The following MAP2 variants were observed in gnomAD, a reference collection of about 807,000 sequenced individuals.
MAP2 encodes the protein microtubule associated protein 2.
A neutral mutation model predicts 137.6 loss-of-function variants in MAP2; 14 were observed. The ratio of observed to expected loss-of-function variants is 0.10; its 90% CI spans 0.07 to 0.16. The LOEUF (loss-of-function observed/expected upper bound fraction) is 0.16, where lower values mean the gene tolerates loss of function less well. Ranked by LOEUF, MAP2 falls within the 10% of genes least tolerant of loss-of-function variation. The pLI is 1.00. For synonymous variants in MAP2, 786 were observed against 782.3 expected (o/e 1.00, Z -0.08); for missense variants, 2,088 against 2,191.5 (o/e 0.95, Z 0.94).
rs150215172 is a variant in MAP2, at chr2:209,673,354, T to C, written c.263-5218T>C. 7.2e-4 allele frequency among the ~76,000 whole-genome samples: 110 copies of C among 151,944 alleles called. 2 individuals are homozygous for C. The East Asian group carries it at 0.02, about 28-fold the overall frequency. On this transcript the variant is annotated intron_variant, in intron 5 of 15. Transcript: ENST00000682079. ...ACTTACAGAAATTGTCTCATTATCA[T>C]ATTGACACTACCGATAAAATAATAA...
intron 10 of MAP2, among the ~76,000 whole-genome samples, chr2:209,698,448 T>C (rs1462351182): frequency 6.6e-6 from 1 of 152,222 alleles, no homozygotes; most frequent in African/African-American, 2.4e-5. Flanking sequence ...ACATCATCAA[T>C]GCCTCTATAT....
chr2:209,725,998 T>C (rs1288052075), intron 14 of MAP2, among the ~76,000 whole-genome samples: 1 of 152,216 alleles, frequency 6.6e-6, no homozygotes, highest in Admixed American at 6.5e-5. Context: ...AGAGGACACA[T>C]TTTAATTAAA....
At chr2:209,594,205 G>T (rs2080594103) in intron 3 of MAP2, among the ~76,000 whole-genome samples, 1 of 149,886 alleles carries the variant, frequency 6.7e-6, no homozygotes, top group Non-Finnish European at 1.5e-5. Flanking sequence ...CTGGCAATGA[G>T]CAGGGTAAGA....
chr2:209,683,495 C>T (rs895967498), intron 7 of MAP2, among the ~76,000 whole-genome samples: 2 of 152,182 alleles, frequency 1.3e-5, no homozygotes, highest in Non-Finnish European at 2.9e-5. Flanking sequence ...TCTAGACAAA[C>T]TACTGTTTCT....
chr2:209,447,002 A>G (rs1699226149), intron 1 of MAP2, among the ~76,000 whole-genome samples: 1 of 151,926 alleles, frequency 6.6e-6, no homozygotes. Context: ...CTCTAAGGCC[A>G]ACCTTTTTTT....
intron 2 of MAP2, among the ~76,000 whole-genome samples, chr2:209,520,717 T>G (rs2063153316): frequency 6.6e-6 from 1 of 152,082 alleles, no homozygotes; most frequent in Admixed American, 6.6e-5. Flanking sequence ...TTCCCTTTCA[T>G]GAGGTCATTT....
At chr2:209,666,775 A>T (rs921990800) in intron 5 of MAP2, among the ~76,000 whole-genome samples, 1 of 151,994 alleles carries the variant, frequency 6.6e-6, no homozygotes, top group Non-Finnish European at 1.5e-5. Flanking sequence ...TTATCATCTT[A>T]TGATGGAATT....
chr2:209,666,017 A>G (rs554603787), intron 5 of MAP2, among the ~76,000 whole-genome samples: 3 of 152,160 alleles, frequency 2.0e-5, no homozygotes, highest in Non-Finnish European at 2.9e-5. Flanking sequence ...TAAAAAATCA[A>G]TTCACTGGAT....
intron 2 of MAP2, among the ~76,000 whole-genome samples, chr2:209,530,435 A>G (rs2064940246): frequency 6.6e-6 from 1 of 152,218 alleles, no homozygotes; most frequent in African/African-American, 2.4e-5. Flanking sequence ...CTGCATGAGA[A>G]TTAGCCCTAT....
At chr2:209,649,956 A>T (rs532244799) in intron 4 of MAP2, among the ~76,000 whole-genome samples, 1 of 152,270 alleles carries the variant, frequency 6.6e-6, no homozygotes, top group African/African-American at 2.4e-5. Context: ...TAAGGAATTC[A>T]TTTTTTAAAT....
intron 1 of MAP2, among the ~76,000 whole-genome samples, chr2:209,461,761 T>C (rs1344599285): frequency 6.6e-6 from 1 of 152,200 alleles, no homozygotes; most frequent in East Asian, 1.9e-4. Flanking sequence ...AATAGATTCT[T>C]AATTAATTGT....
rs58596249 is a variant in MAP2, at chr2:209,434,814, C to CCTCTCT, written c.-222+10553_-222+10558dup. Among the ~76,000 whole-genome samples the CCTCTCT allele has an allele frequency of 3.2e-3, 335 of 103,168 alleles. 20 individuals carry two copies. Among genetic ancestry groups the CCTCTCT allele is most frequent in the East Asian group, 8.2e-3 (32 of 3,914 alleles). 67.7% of individuals were successfully genotyped at this position (103,168 alleles called of 152,430 possible). A position where few individuals can be genotyped will look rare whatever the true frequency, so the allele number is the denominator to read the frequency against. On this transcript the variant is annotated intron_variant, in intron 1 of 15. Coordinates refer to ENST00000682079, the MANE Select transcript of MAP2 (RefSeq NM_001375505.1). ...TCCAGCCTGCATGACAGAGCCAGAT[C>CCTCTCT]CTCTCTCTCTCTCTCTCTCTATATA...
intron 4 of MAP2, among the ~76,000 whole-genome samples, chr2:209,652,655 A>G (rs1473345027): frequency 1.3e-5 from 2 of 152,170 alleles, no homozygotes; most frequent in Non-Finnish European, 2.9e-5. Context: ...AAGAGAGTAC[A>G]TGGGATAATT....
At chr2:209,473,484 A>G (rs1167359818) in intron 1 of MAP2, among the ~76,000 whole-genome samples, 1 of 152,130 alleles carries the variant, frequency 6.6e-6, no homozygotes, top group African/African-American at 2.4e-5. Flanking sequence ...ATAGTACCCT[A>G]TATATTTAAA....
intron 1 of MAP2, among the ~76,000 whole-genome samples, chr2:209,502,507 T>C (rs1364266668): frequency 6.6e-6 from 1 of 152,210 alleles, no homozygotes; most frequent in Admixed American, 6.5e-5. Flanking sequence ...ACACTGGTTG[T>C]TTTCATATTT....
At chr2:209,625,546 A>T (rs2092149772) in intron 4 of MAP2, among the ~76,000 whole-genome samples, 2 of 152,064 alleles carry the variant, frequency 1.3e-5, no homozygotes, top group African/African-American at 4.8e-5. Context: ...CATTTTAGAG[A>T]TTAGGGGCAT....
At chr2:209,651,848 A>T (rs957129503) in intron 4 of MAP2, among the ~76,000 whole-genome samples, 1 of 152,000 alleles carries the variant, frequency 6.6e-6, no homozygotes, top group African/African-American at 2.4e-5. Context: ...AAATTCAGTT[A>T]AAAAACCCCC....
intron 2 of MAP2, among the ~76,000 whole-genome samples, chr2:209,532,956 C>G (rs1048968346): frequency 1.3e-5 from 2 of 152,092 alleles, no homozygotes; most frequent in Admixed American, 6.6e-5. Context: ...TCCCTGCTCC[C>G]CTGACAGAAG....
At chr2:209,620,815 G>T (rs547615403) in intron 3 of MAP2, among the ~76,000 whole-genome samples, 3 of 152,178 alleles carry the variant, frequency 2.0e-5, no homozygotes, top group Non-Finnish European at 2.9e-5. Context: ...TGATAGTGGA[G>T]GTGGAGTACA....
Sources: gnomAD v4.1 joint callset for allele counts (sites outside exome capture counted in the v4.1 genomes callset) on GRCh38, gnomAD v4.1.1 for gene constraint, MANE v1.5 for transcripts, NCBI Gene and HGNC (gene_info 2026-07-23, HGNC 2026-07-21) for gene names.